The following DNMBP variants were observed in gnomAD, a reference collection of about 807,000 sequenced individuals.
DNMBP encodes dynamin-binding protein.
Under a neutral mutation model 150.0 loss-of-function variants are expected in DNMBP, and 87 were observed. The ratio of observed to expected loss-of-function variants is 0.58; its 90% CI spans 0.49 to 0.69. The LOEUF is 0.69. Among genes scored for constraint, DNMBP ranks in the 30% least tolerant of loss-of-function variants. The pLI, the probability that DNMBP is intolerant of heterozygous loss-of-function variation, is 0.00. For missense variants in DNMBP, 1,774 were observed against 1,949.0 expected (o/e 0.91, Z 1.69); for synonymous variants, 711 against 750.4 (o/e 0.95, Z 0.86).
chr10:100,001,410 G>GTTTTTTTTTTTT (rs1346291816), intron 1 of DNMBP, among the ~76,000 whole-genome samples: 2 of 96,372 alleles, frequency 2.1e-5, no homozygotes, highest in African/African-American at 7.8e-5. Context: ...TTTTGTTGTT[G>GTTTTTTTTTTTT]TTGTTTTTTT....
rs767053417 is a variant in DNMBP at position 99,877,170 on chromosome 10, C to T, written c.4715G>A (p.Arg1572His). ...GTGGGCTCAGGTGTACTCGGTTTTGCGGATATAATTGGAGGGAACGTAGCC... is the reference window on the plus strand; with the variant it reads ...GTGGGCTCAGGTGTACTCGGTTTTGTGGATATAATTGGAGGGAACGTAGCC... The part of the protein sequence containing the change: ...KKGYVPSNYI[R>H]KTEYT The change falls in exon 17 of 17, where the codon CGC (arginine) becomes CAC (histidine). Residue 1572 changes from arginine to histidine, a missense_variant. By Grantham distance (29) the Arg-to-His change is conservative. Transcript: ENST00000324109. 20 of 1,610,042 alleles carry T rather than the reference C, an allele frequency of 1.2e-5. No homozygotes were observed. Among genetic ancestry groups the T allele is most frequent in the South Asian group, 3.3e-5 (3 of 90,296 alleles).
intron 1 of DNMBP, among the ~76,000 whole-genome samples, chr10:99,990,613 A>T (rs1209340441): frequency 4.7e-5 from 7 of 149,692 alleles, no homozygotes; most frequent in African/African-American, 9.8e-5. Context: ...TAATGAATAA[A>T]AAAAAAAAAA....
chr10:99,935,511 C>T (rs1318629899), intron 4 of DNMBP, among the ~76,000 whole-genome samples: 2 of 152,096 alleles, frequency 1.3e-5, no homozygotes, highest in Admixed American at 6.5e-5. Flanking sequence ...CTCAGCCTCA[C>T]GAGTAGCTGA....
chr10:99,969,677 A>G (rs945915295), intron 2 of DNMBP, among the ~76,000 whole-genome samples: 7 of 152,224 alleles, frequency 4.6e-5, no homozygotes, highest in Non-Finnish European at 1.0e-4. Flanking sequence ...TGAAAACAAT[A>G]GCATTTGAAT....
chr10:99,898,395 A>G lies in DNMBP; in HGVS notation c.2721-110T>C, dbSNP rs775773185. On this transcript the variant is annotated intron_variant, in intron 8 of 16. Coordinates refer to ENST00000324109, the MANE Select transcript of DNMBP (RefSeq NM_015221.4). ...AAAACTTTTTTTTAACATAATAATA[A>G]TGTACACCTATGGGCAGGATTTGTT... The G allele has an allele frequency of 3.5e-5, 28 of 797,212 alleles. No individual in the cohort carries two copies. The African/African-American group carries it at 4.3e-4, about 12-fold the overall frequency. The allele number at this position is 797,212 out of a possible 1,614,324, so 49.4% of individuals were successfully genotyped here. A position where few individuals can be genotyped will look rare whatever the true frequency, so the allele number is the denominator to read the frequency against.
chr10:99,992,699 T>A lies in DNMBP; in HGVS notation c.-11+17139A>T, dbSNP rs540049905. On this transcript the variant is annotated intron_variant, in intron 1 of 16. Transcript: ENST00000324109. ...CCGCCACTAAGCCCGGCTAATTTTT[T>A]GTGTTTTTAGTAGAGATGGGGTTTC... 2.0e-5 allele frequency among the ~76,000 whole-genome samples: 3 copies of A among 152,164 alleles called. No individual in the cohort carries two copies. In the South Asian group the frequency reaches 6.2e-4, roughly 32 times the overall value.
chr10:99,886,293 AACTC>A lies in DNMBP; in HGVS notation c.3618+3_3618+6del. 6.2e-7 allele frequency: 1 copy of A among 1,608,480 alleles called. No homozygotes were observed. The highest frequency in any genetic ancestry group is 8.5e-7 in the Non-Finnish European group (1 of 1,175,550). On this transcript the variant is annotated splice_donor_5th_base_variant and intron_variant, in intron 13 of 16. Transcript: ENST00000324109. ...TGACCATCCCACTGAACAGGTAAGA[AACTC>A]ACCGAAAGCAGTGGCTTTAATTGCT...
intron 1 of DNMBP, among the ~76,000 whole-genome samples, chr10:99,998,466 G>T (rs912486575): frequency 6.6e-6 from 1 of 151,088 alleles, no homozygotes; most frequent in Non-Finnish European, 1.5e-5. Flanking sequence ...TGTAATGCCA[G>T]CTACTCAGGA....
chr10:99,939,136 C>A (rs887440612), intron 4 of DNMBP, among the ~76,000 whole-genome samples: 4 of 151,860 alleles, frequency 2.6e-5, no homozygotes, highest in African/African-American at 9.7e-5. Context: ...AAAAAAAGAG[C>A]AAGAATATGT....
At chr10:99,977,261 G>A (rs910601676) in intron 1 of DNMBP, among the ~76,000 whole-genome samples, 5 of 152,158 alleles carry the variant, frequency 3.3e-5, no homozygotes, top group East Asian at 1.9e-4. Context: ...ATAATATGAC[G>A]AATCTCATCT....
intron 3 of DNMBP, among the ~76,000 whole-genome samples, chr10:99,961,095 C>G (rs996504082): frequency 6.6e-5 from 10 of 151,444 alleles, no homozygotes; most frequent in African/African-American, 1.9e-4. Flanking sequence ...TCTCAAGAGT[C>G]TGGTATGATG....
At chr10:99,980,086 T>C (rs2040766227) in intron 1 of DNMBP, among the ~76,000 whole-genome samples, 1 of 152,204 alleles carries the variant, frequency 6.6e-6, no homozygotes, top group Non-Finnish European at 1.5e-5. Flanking sequence ...GACATTGGAC[T>C]GGACATGTAA....
At chr10:99,888,678 A>T in intron 12 of DNMBP, 147 bp downstream of exon 12, 1 of 912,248 alleles carries the variant, frequency 1.1e-6, no homozygotes, top group Non-Finnish European at 1.6e-6. Flanking sequence ...TCATGTTGTG[A>T]ATATCAAACC....
intron 6 of DNMBP, among the ~76,000 whole-genome samples, chr10:99,907,051 C>T (rs2039834753): frequency 6.6e-6 from 1 of 152,108 alleles, no homozygotes; most frequent in Non-Finnish European, 1.5e-5. Context: ...TGGCTCACAC[C>T]TGTAATCCCA....
intron 1 of DNMBP, among the ~76,000 whole-genome samples, chr10:99,998,201 C>T (rs1475412080): frequency 1.2e-4 from 18 of 149,394 alleles, no homozygotes; most frequent in South Asian, 2.1e-4. Flanking sequence ...CGCCACTGTA[C>T]TCCAGCCTGG....
At chr10:99,924,999 C>G (rs2040062312) in intron 4 of DNMBP, among the ~76,000 whole-genome samples, 1 of 152,176 alleles carries the variant, frequency 6.6e-6, no homozygotes, top group African/African-American at 2.4e-5. Context: ...TGCCCCTGCT[C>G]CTACCCTCCA....
rs914861808 is a variant in DNMBP at position 100,000,880 on chromosome 10, A to C, written c.-11+8958T>G. ...ATGGCAAAAAAAAAAAAAAAAAAAA[A>C]AAAAAAACCCAGCAGGGTACAGGAA... On this transcript the variant is annotated intron_variant, in intron 1 of 16. Coordinates refer to ENST00000324109, the MANE Select transcript of DNMBP (RefSeq NM_015221.4). Among the ~76,000 whole-genome samples, 341 of 141,764 alleles carry C rather than the reference A, an allele frequency of 2.4e-3. 2 individuals carry two copies. Among genetic ancestry groups the C allele is most frequent in the African/African-American group, 6.4e-3 (245 of 38,362 alleles). The allele number at this position is 141,764 out of a possible 152,430, so 93.0% of individuals were successfully genotyped here. A position where few individuals can be genotyped will look rare whatever the true frequency, so the allele number is the denominator to read the frequency against.
In DNMBP at chr10:100,004,090, G is replaced by T. The variant is rs7074162; in HGVS notation, c.-11+5748C>A. On this transcript the variant is annotated intron_variant, in intron 1 of 16. Coordinates refer to ENST00000324109, the MANE Select transcript of DNMBP (RefSeq NM_015221.4). ...CTAAAAAAATTACAAAAAAAAAAAA[G>T]AAAAATTAGCCAGGGATGGTGGCAC... is the stretch of plus-strand genomic sequence containing the variant. Among the ~76,000 whole-genome samples, 158 of 136,676 alleles carry T rather than the reference G, an allele frequency of 1.2e-3. 1 individual carries two copies. The highest frequency in any genetic ancestry group is 4.2e-3 in the African/African-American group (152 of 36,090). The allele number at this position is 136,676 out of a possible 152,430, so 89.7% of individuals were successfully genotyped here. A position where few individuals can be genotyped will look rare whatever the true frequency, so the allele number is the denominator to read the frequency against.
Position 99,877,265 on chromosome 10 carries a change from G to C in DNMBP, c.4620C>G (p.Leu1540=), listed in dbSNP as rs945687380. Reference sequence around the variant, plus strand: ...TAACATCTTTAAACTCGAGGATCTTGAGTTTCTGATTGGCTGACACGCTCA... The same window carrying C: ...TAACATCTTTAAACTCGAGGATCTTCAGTTTCTGATTGGCTGACACGCTCA... ...NELSVSANQK[L]KILEFKDVTG... is the part of the protein sequence containing the mutation. The change falls in exon 17 of 17, where the codon CTC becomes CTG. Residue 1540 remains leucine (L), a synonymous_variant. Coordinates refer to ENST00000324109, the MANE Select transcript of DNMBP (RefSeq NM_015221.4). 2.5e-6 allele frequency: 4 copies of C among 1,613,916 alleles called. No homozygotes were observed. The African/African-American group carries it at 5.3e-5, about 22-fold the overall frequency.
Sources: allele counts gnomAD v4.1 joint callset (sites outside exome capture counted in the v4.1 genomes callset), GRCh38; gene constraint gnomAD v4.1.1; transcripts MANE v1.5; gene names NCBI Gene and HGNC (gene_info 2026-07-23, HGNC 2026-07-21).